The following SMU1 variants were observed in gnomAD, a reference collection of about 807,000 sequenced individuals.
SMU1 encodes WD40 repeat-containing protein SMU1.
SMU1 carries 2 observed loss-of-function variants against 62.0 expected under a neutral mutation model. The observed-to-expected ratio is 0.03, with a 90% CI of 0.01 to 0.10. The LOEUF is 0.10. Among genes scored for constraint, SMU1 ranks in the 10% least tolerant of loss-of-function variants. The pLI is 1.00. For synonymous variants in SMU1, 188 were observed against 212.4 expected (o/e 0.89, Z 1.00); for missense variants, 227 against 622.1 (o/e 0.36, Z 6.76).
intron 9 of SMU1, among the ~76,000 whole-genome samples, chr9:33,053,657 A>G (rs991852668): frequency 2.6e-5 from 4 of 152,220 alleles, no homozygotes; most frequent in African/African-American, 7.2e-5. Context: ...TAAGGATTCA[A>G]TGTAGTACTT....
chr9:33,074,256 G>C (rs1255144825), intron 1 of SMU1, among the ~76,000 whole-genome samples: 1 of 152,084 alleles, frequency 6.6e-6, no homozygotes, highest in Non-Finnish European at 1.5e-5. Context: ...TGGAAACCAG[G>C]AGGTTTGAGA....
rs1839182917 is a variant in SMU1, at chr9:33,046,221, C to T, written c.*1072G>A. 3.3e-5 allele frequency: 5 copies of T among 152,228 alleles called. No individual in the cohort carries two copies. In the South Asian group the frequency reaches 1.0e-3, roughly 32 times the overall value. The allele number at this position is 152,228 out of a possible 1,614,324, so 9.4% of individuals were successfully genotyped here. On this transcript the variant is annotated 3_prime_UTR_variant, in exon 12 of 12. Transcript: ENST00000397149. The stretch of plus-strand genomic sequence containing the variant: ...ACAACAGCACATTTTCAATGCCAAA[C>T]CTTCTCCTACAACATACAAAGGGGA...
In SMU1 at chr9:33,044,140, T is replaced by C. The variant is rs1410521325; in HGVS notation, c.*3153A>G. On this transcript the variant is annotated 3_prime_UTR_variant, in exon 12 of 12. Transcript: ENST00000397149. ...TTAACGCCAGGTAGTTTAGCTTCTATGTTAAGTGCTAGAGAGCAGCATCCG... is the reference window on the plus strand; with the variant it reads ...TTAACGCCAGGTAGTTTAGCTTCTACGTTAAGTGCTAGAGAGCAGCATCCG... 1 of 152,264 alleles carries C rather than the reference T, an allele frequency of 6.6e-6. No homozygotes were observed. The highest frequency in any genetic ancestry group is 1.5e-5 in the Non-Finnish European group (1 of 68,042). 9.4% of individuals were successfully genotyped at this position (152,264 alleles called of 1,614,324 possible). A position where few individuals can be genotyped will look rare whatever the true frequency, so the allele number is the denominator to read the frequency against.
At chr9:33,068,732 T>C in intron 4 of SMU1, 92 bp downstream of exon 4, 1 of 1,444,226 alleles carries the variant, frequency 6.9e-7, no homozygotes, top group Admixed American at 2.1e-5. Flanking sequence ...CTCCAACTAC[T>C]AGGCTCAAGT....
intron 4 of SMU1, among the ~76,000 whole-genome samples, chr9:33,063,726 T>C (rs1839389291): frequency 6.6e-6 from 1 of 151,852 alleles, no homozygotes; most frequent in African/African-American, 2.4e-5. Flanking sequence ...TGCATGCTCA[T>C]TATGAGAATC....
intron 9 of SMU1, among the ~76,000 whole-genome samples, chr9:33,054,933 G>C (rs767756686): frequency 4.6e-5 from 7 of 152,138 alleles, no homozygotes; most frequent in Non-Finnish European, 1.0e-4. Flanking sequence ...GCAGAACTAA[G>C]GGGGAAAGAC....
chr9:33,060,716 G>A (rs1458842452), intron 5 of SMU1, 132 bp from the exon 6 acceptor site: 57 of 1,102,710 alleles, frequency 5.2e-5, no homozygotes, highest in Non-Finnish European at 7.1e-5. Flanking sequence ...GTATTGGAGG[G>A]GTATTTCTGT....
chr9:33,072,627 T>TG lies in SMU1; in HGVS notation c.238-736dup, dbSNP rs1226799796. Among the ~76,000 whole-genome samples the TG allele has an allele frequency of 3.9e-5, 6 of 152,074 alleles. No individual in the cohort carries two copies. The East Asian group carries it at 1.2e-3, about 30-fold the overall frequency. ...AGGTGGATCACTTGAGGTCAGGAGT[T>TG]GGAGACCAGCCTGGCCAATGTGGTG... is the stretch of plus-strand genomic sequence containing the variant. On this transcript the variant is annotated intron_variant, in intron 2 of 11. Transcript: ENST00000397149.
At chr9:33,075,853 A>G (rs535687401) in intron 1 of SMU1, among the ~76,000 whole-genome samples, 1 of 152,294 alleles carries the variant, frequency 6.6e-6, no homozygotes, top group African/African-American at 2.4e-5. Context: ...AGTTCTGGAA[A>G]AGCACACTAA....
intron 8 of SMU1, 88 bp downstream of exon 8, chr9:33,056,748 TG>T: frequency 1.4e-6 from 2 of 1,391,088 alleles, no homozygotes; most frequent in Non-Finnish European, 2.0e-6. Context: ...AAAAGCATCA[TG>T]GTAAAAGCGT....
In SMU1 at chr9:33,043,507, T is replaced by A. The variant is rs1046718970; in HGVS notation, c.*3786A>T. 2 of 152,232 alleles carry A rather than the reference T, an allele frequency of 1.3e-5. No homozygotes were observed. Among genetic ancestry groups the A allele is most frequent in the African/African-American group, 4.8e-5 (2 of 41,450 alleles). 9.4% of individuals were successfully genotyped at this position (152,232 alleles called of 1,614,324 possible). A position where few individuals can be genotyped will look rare whatever the true frequency, so the allele number is the denominator to read the frequency against. Reference sequence around the variant, plus strand: ...GAATGTGTCTATCACGTGACACTTGTAAGAACCACTGTTCTAGCACAAGCC... The same window carrying A: ...GAATGTGTCTATCACGTGACACTTGAAAGAACCACTGTTCTAGCACAAGCC... On this transcript the variant is annotated 3_prime_UTR_variant, in exon 12 of 12. Coordinates refer to ENST00000397149, the MANE Select transcript of SMU1 (RefSeq NM_018225.3).
chr9:33,060,704 G>T, intron 5 of SMU1, 120 bp from the exon 6 acceptor site: 1 of 1,290,916 alleles, frequency 7.7e-7, no homozygotes, highest in Non-Finnish European at 1.1e-6. Flanking sequence ...CCATATTATA[G>T]AGTATTGGAG....
At chr9:33,071,989 T>C in intron 2 of SMU1, 97 bp from the exon 3 acceptor site, 1 of 1,226,700 alleles carries the variant, frequency 8.2e-7, no homozygotes, top group Non-Finnish European at 1.1e-6. Context: ...ATATGGCCTG[T>C]CAAAGGATTT....
Position 33,073,539 on chromosome 9 carries a change from G to A in SMU1, c.237+57C>T, listed in dbSNP as rs763831165. The A allele has an allele frequency of 4.7e-4, 601 of 1,283,478 alleles. 1 individual carries two copies. The highest frequency in any genetic ancestry group is 6.3e-4 in the Non-Finnish European group (563 of 896,116). 79.5% of individuals were successfully genotyped at this position (1,283,478 alleles called of 1,614,324 possible). A position where few individuals can be genotyped will look rare whatever the true frequency, so the allele number is the denominator to read the frequency against. On this transcript the variant is annotated intron_variant, in intron 2 of 11. Transcript: ENST00000397149. ...GAATGCTCACTGACGCTTTTTAGTT[G>A]GGGAGCTGGCCCACAACGAACCAAC...
At chr9:33,068,983 T>C (rs375602032) in intron 3 of SMU1, 49 bp from the exon 4 acceptor site, 1 of 1,595,930 alleles carries the variant, frequency 6.3e-7, no homozygotes, top group South Asian at 1.1e-5. Flanking sequence ...AACAACAAGA[T>C]ATGAGTGTGC....
chr9:33,075,859 A>G (rs1587715182), intron 1 of SMU1, among the ~76,000 whole-genome samples: 1 of 152,162 alleles, frequency 6.6e-6, no homozygotes, highest in Admixed American at 6.6e-5. Flanking sequence ...GGAAAAGCAC[A>G]CTAAGGTCTT....
chr9:33,065,553 A>G (rs1416329776), intron 4 of SMU1, among the ~76,000 whole-genome samples: 1 of 152,180 alleles, frequency 6.6e-6, no homozygotes, highest in Non-Finnish European at 1.5e-5. Context: ...GTGGAAACCA[A>G]AAACAGAGAA....
chr9:33,073,942 C>A (rs1839514010), intron 1 of SMU1, 136 bp from the exon 2 acceptor site: 8 of 782,248 alleles, frequency 1.0e-5, no homozygotes, highest in Non-Finnish European at 1.2e-5. Flanking sequence ...TCCAAAATCA[C>A]AGAATCTAAA....
Position 33,057,611 on chromosome 9 carries a change from T to C in SMU1, c.854A>G (p.Asp285Gly). 1 of 1,613,842 alleles carries C rather than the reference T, an allele frequency of 6.2e-7. No homozygotes were observed. Among genetic ancestry groups the C allele is most frequent in the Non-Finnish European group, 8.5e-7 (1 of 1,180,004 alleles). ...ACTAATCCATACCTTGATTTTTCCA[T>C]CTTGGGCCCCAGTTGCTAACATTTC... ...DTEMLATGAQ[D>G]GKIKVWKIQS... The change falls in exon 7 of 12, where the codon GAT becomes GGT. Residue 285 changes from aspartate to glycine, a missense_variant. Physicochemically the swap from Asp to Gly is moderately conservative, Grantham distance 94. Coordinates refer to ENST00000397149, the MANE Select transcript of SMU1 (RefSeq NM_018225.3).
Sources: allele counts gnomAD v4.1 joint callset (sites outside exome capture counted in the v4.1 genomes callset), GRCh38; gene constraint gnomAD v4.1.1; transcripts MANE v1.5; gene names NCBI Gene and HGNC (gene_info 2026-07-23, HGNC 2026-07-21).